Variants in SLC44A5 observed in about 807,000 individuals in gnomAD.
SLC44A5 encodes the protein choline transporter-like protein 5.
SLC44A5 carries 57 observed loss-of-function variants against 101.8 expected under a neutral mutation model. The observed-to-expected ratio is 0.56, with a 90% CI of 0.45 to 0.70. The LOEUF (loss-of-function observed/expected upper bound fraction) is 0.70, where lower values mean the gene tolerates loss of function less well. SLC44A5 is among the 30% of genes least tolerant of loss of function. The pLI is 0.00. For missense variants in SLC44A5, 737 were observed against 853.1 expected, an observed-to-expected ratio of 0.86 and a Z score of 1.70; for synonymous variants, 281 against 290.9, an observed-to-expected ratio of 0.97 and a Z score of 0.35.
the SLC44A5 span, among the ~76,000 whole-genome samples, chr1:75,720,167 T>A: frequency 1.4e-3 from 217 of 152,340 alleles, 1 homozygote; most frequent in Admixed American, 2.3e-3. Context: ...CCCCTGGGTC[T>A]GAGGGGTAAT....
At chr1:75,383,688 T>A (rs1345309612) in intron 3 of SLC44A5, among the ~76,000 whole-genome samples, 1 of 151,824 alleles carries the variant, frequency 6.6e-6, no homozygotes, top group Non-Finnish European at 1.5e-5. Flanking sequence ...AACATTCAGA[T>A]TCAGGAAATA....
chr1:75,628,788 C>A, the SLC44A5 span, among the ~76,000 whole-genome samples: 1 of 152,236 alleles, frequency 6.6e-6, no homozygotes, highest in Middle Eastern at 3.4e-3. Flanking sequence ...ATCCTCCAAA[C>A]AAGCACTTTG....
At chr1:75,494,083 T>G (rs1158384871) in intron 2 of SLC44A5, among the ~76,000 whole-genome samples, 1 of 152,148 alleles carries the variant, frequency 6.6e-6, no homozygotes. Flanking sequence ...CTTTGAGAGG[T>G]GATTAGGTCA....
chr1:75,345,433 G>A (rs1307554255), intron 3 of SLC44A5, among the ~76,000 whole-genome samples: 1 of 152,080 alleles, frequency 6.6e-6, no homozygotes, highest in Non-Finnish European at 1.5e-5. Context: ...AAAAAGTTGG[G>A]AAACAATTTC....
chr1:75,473,929 G>A (rs933016290), intron 2 of SLC44A5, among the ~76,000 whole-genome samples: 6 of 152,046 alleles, frequency 3.9e-5, no homozygotes, highest in Non-Finnish European at 5.9e-5. Flanking sequence ...GTAGTGTGGT[G>A]GTGTCATAGA....
At chr1:75,694,664 G>T in the SLC44A5 span, among the ~76,000 whole-genome samples, 1 of 151,972 alleles carries the variant, frequency 6.6e-6, no homozygotes, top group Non-Finnish European at 1.5e-5. Context: ...AAAAACTGTA[G>T]AAATATTTAC....
intron 1 of SLC44A5, among the ~76,000 whole-genome samples, chr1:75,597,194 A>T (rs1674688176): frequency 6.6e-6 from 1 of 151,178 alleles, no homozygotes. Flanking sequence ...TCTCAAAAAA[A>T]AAAAAAAAAG....
chr1:75,669,078 A>G, the SLC44A5 span, among the ~76,000 whole-genome samples: 1 of 151,546 alleles, frequency 6.6e-6, no homozygotes, highest in African/African-American at 2.4e-5. Flanking sequence ...TTGAGACACA[A>G]TCTTTTCAAT....
At chr1:75,297,886 T>C (rs1165572107) in intron 5 of SLC44A5, among the ~76,000 whole-genome samples, 1 of 152,154 alleles carries the variant, frequency 6.6e-6, no homozygotes, top group African/African-American at 2.4e-5. Flanking sequence ...AGTATTACCC[T>C]AGCTGGCCAT....
intron 11 of SLC44A5, among the ~76,000 whole-genome samples, chr1:75,234,422 T>C (rs1647883229): frequency 6.6e-6 from 1 of 152,110 alleles, no homozygotes. Flanking sequence ...TTGCCATGTC[T>C]TATTTTTTCC....
chr1:75,262,026 C>T (rs1650558179), intron 6 of SLC44A5, among the ~76,000 whole-genome samples: 1 of 151,556 alleles, frequency 6.6e-6, no homozygotes, highest in Non-Finnish European at 1.5e-5. Flanking sequence ...AAACCCACAG[C>T]CAGTATCATA....
At chr1:75,420,667 T>C (rs1369609373) in intron 2 of SLC44A5, among the ~76,000 whole-genome samples, 1 of 152,164 alleles carries the variant, frequency 6.6e-6, no homozygotes, top group East Asian at 1.9e-4. Flanking sequence ...TTTCAGATTA[T>C]TGTGGAATGT....
chr1:75,527,717 C>CAAAAA (rs35014234), intron 2 of SLC44A5, among the ~76,000 whole-genome samples: 1 of 149,650 alleles, frequency 6.7e-6, no homozygotes, highest in Non-Finnish European at 1.5e-5. Context: ...AGCACTGAGG[C>CAAAAA]AAAAAAAAAA....
At chr1:75,547,094 T>C (rs1037996870) in intron 1 of SLC44A5, among the ~76,000 whole-genome samples, 2 of 152,162 alleles carry the variant, frequency 1.3e-5, no homozygotes, top group African/African-American at 4.8e-5. Flanking sequence ...AGTTTACAAA[T>C]GGATAACTCA....
At chr1:75,476,313 G>A (rs1473937566) in intron 2 of SLC44A5, among the ~76,000 whole-genome samples, 1 of 152,222 alleles carries the variant, frequency 6.6e-6, no homozygotes, top group Non-Finnish European at 1.5e-5. Context: ...ACAGCTCCCA[G>A]CGTGAGTGAC....
chr1:75,244,103 C>G (rs1648900264), intron 7 of SLC44A5, among the ~76,000 whole-genome samples: 1 of 152,058 alleles, frequency 6.6e-6, no homozygotes. Flanking sequence ...GTACAGCCTG[C>G]AGAACCATAA....
intron 6 of SLC44A5, among the ~76,000 whole-genome samples, chr1:75,265,371 A>G (rs962130299): frequency 2.0e-5 from 3 of 152,228 alleles, no homozygotes; most frequent in Non-Finnish European, 4.4e-5. Flanking sequence ...TCAACAGAAT[A>G]CTAGCAAACT....
intron 2 of SLC44A5, among the ~76,000 whole-genome samples, chr1:75,402,026 G>A (rs1028877028): frequency 2.0e-5 from 3 of 152,170 alleles, no homozygotes; most frequent in African/African-American, 4.8e-5. Flanking sequence ...CAAGAGTGAA[G>A]AAAGTTGATA....
chr1:75,432,555 T>C (rs995496369), intron 2 of SLC44A5, among the ~76,000 whole-genome samples: 9 of 152,194 alleles, frequency 5.9e-5, no homozygotes, highest in Non-Finnish European at 1.0e-4. Flanking sequence ...TTGATGCCAA[T>C]AGGAATCATT....
Sources: allele counts gnomAD v4.1 joint callset (sites outside exome capture counted in the v4.1 genomes callset), GRCh38; gene constraint gnomAD v4.1.1; transcripts MANE v1.5; gene names NCBI Gene and HGNC (gene_info 2026-07-23, HGNC 2026-07-21).